The following SCYL2 variants were observed in gnomAD, a reference collection of about 807,000 sequenced individuals.
SCYL2 encodes the protein SCY1 like pseudokinase 2, also known as SCY1-like protein 2.
In SCYL2, 36 loss-of-function variants were observed where a neutral mutation model predicts 100.4. The ratio of observed to expected loss-of-function variants is 0.36; its 90% CI spans 0.27 to 0.47. The LOEUF (loss-of-function observed/expected upper bound fraction) is 0.47. Among genes scored for constraint, SCYL2 ranks in the 20% least tolerant of loss-of-function variants. The pLI is 1.00. For synonymous variants in SCYL2, 330 were observed against 359.2 expected (o/e 0.92, Z 0.92); for missense variants, 902 against 1,083.9 (o/e 0.83, Z 2.36).
In SCYL2 at chr12:100,339,068, A is replaced by T; in HGVS notation, c.2686A>T (p.Met896Leu). 1 of 1,614,120 alleles carries T rather than the reference A, an allele frequency of 6.2e-7. No individual in the cohort carries two copies. Among genetic ancestry groups the T allele is most frequent in the Non-Finnish European group, 8.5e-7 (1 of 1,179,964 alleles). Reference sequence around the variant, plus strand: ...CGTGATAGGACAATCTGCTTTTGGTATGCAGGGTAATCCTTTCTTTAACCC... The same window carrying T: ...CGTGATAGGACAATCTGCTTTTGGTTTGCAGGGTAATCCTTTCTTTAACCC... Reference protein sequence around the residue: ...MNVIGQSAFGMQGNPFFNPQN... With the variant: ...MNVIGQSAFGLQGNPFFNPQN... The change falls in exon 18 of 18, where the codon ATG becomes TTG. Residue 896 changes from methionine to leucine, a missense_variant. Met to Leu is a conservative substitution (Grantham distance 15). Transcript: ENST00000360820.
intron 4 of SCYL2, among the ~76,000 whole-genome samples, chr12:100,302,441 G>A (rs2096328969): frequency 6.6e-6 from 1 of 152,190 alleles, no homozygotes; most frequent in South Asian, 2.1e-4. Context: ...GCTCTTGTAA[G>A]GCAGGCCTGG....
Position 100,267,320 on chromosome 12 carries a change from A to G in SCYL2, c.-501A>G, listed in dbSNP as rs2096278806. 2.2e-6 allele frequency: 1 copy of G among 447,988 alleles called. No individual in the cohort carries two copies. Among genetic ancestry groups the G allele is most frequent in the Non-Finnish European group, 4.0e-6 (1 of 250,710 alleles). 27.8% of individuals were successfully genotyped at this position (447,988 alleles called of 1,614,324 possible). Reference sequence around the variant, plus strand: ...CAGTGGCCAGGCACGAAGGCAGAGCAGGAACAGCCAGGAGGCGTTTATTAG... The same window carrying G: ...CAGTGGCCAGGCACGAAGGCAGAGCGGGAACAGCCAGGAGGCGTTTATTAG... On this transcript the variant is annotated 5_prime_UTR_variant, in exon 1 of 18. Coordinates refer to ENST00000360820, the MANE Select transcript of SCYL2 (RefSeq NM_017988.6).
At chr12:100,297,704 T>C (rs753524238) in intron 3 of SCYL2, among the ~76,000 whole-genome samples, 3 of 152,228 alleles carry the variant, frequency 2.0e-5, no homozygotes, top group Non-Finnish European at 2.9e-5. Flanking sequence ...TGAATTAGTT[T>C]ATTGGTTTTC....
At chr12:100,316,553 T>C (rs1324309765) in intron 9 of SCYL2, among the ~76,000 whole-genome samples, 1 of 152,236 alleles carries the variant, frequency 6.6e-6, no homozygotes, top group Non-Finnish European at 1.5e-5. Flanking sequence ...TTCTTTGTAG[T>C]CCTTCCCTTG....
chr12:100,296,278 A>C (rs902925276), intron 3 of SCYL2, among the ~76,000 whole-genome samples: 2 of 152,240 alleles, frequency 1.3e-5, no homozygotes, highest in African/African-American at 4.8e-5. Context: ...TGAATTAATA[A>C]TACTGACATG....
chr12:100,334,322 T>TA, intron 14 of SCYL2, 56 bp downstream of exon 14: 1 of 985,406 alleles, frequency 1.0e-6, no homozygotes, highest in Non-Finnish European at 1.6e-6. Context: ...ATAGTTGTCT[T>TA]ATGATTGATT....
At chr12:100,314,721 G>T (rs1449160384) in intron 8 of SCYL2, 107 bp downstream of exon 8, 1 of 1,124,948 alleles carries the variant, frequency 8.9e-7, no homozygotes, top group Non-Finnish European at 1.3e-6. Flanking sequence ...TTTGCCTGAG[G>T]TACATAAATG....
chr12:100,320,703 A>AT (rs2096354804), intron 10 of SCYL2, among the ~76,000 whole-genome samples: 1 of 152,104 alleles, frequency 6.6e-6, no homozygotes, highest in Non-Finnish European at 1.5e-5. Context: ...TATGACTTTG[A>AT]TTGGACAGCA....
At chr12:100,273,097 AG>A (rs1215376585) in intron 1 of SCYL2, among the ~76,000 whole-genome samples, 1 of 152,076 alleles carries the variant, frequency 6.6e-6, no homozygotes, top group Non-Finnish European at 1.5e-5. Context: ...TCTGCTTGAT[AG>A]AGTGATTGAT....
chr12:100,335,075 T>A (rs1952258464), intron 14 of SCYL2, among the ~76,000 whole-genome samples: 4 of 152,026 alleles, frequency 2.6e-5, no homozygotes, highest in Non-Finnish European at 5.9e-5. Context: ...TATGTGGTGT[T>A]TGATGGATTG....
rs1301530341 is a variant in SCYL2, at chr12:100,267,350, G to C, written c.-471G>C. ...CAGCCAGGAGGCGTTTATTAGGGGG[G>C]CGGGGGGAAAGAGCCCCAGCACCGC... On this transcript the variant is annotated 5_prime_UTR_variant, in exon 1 of 18. Transcript: ENST00000360820. The C allele has an allele frequency of 2.9e-6, 1 of 343,308 alleles. No individual in the cohort carries two copies. Among genetic ancestry groups the C allele is most frequent in the Non-Finnish European group, 5.3e-6 (1 of 187,786 alleles). 21.3% of individuals were successfully genotyped at this position (343,308 alleles called of 1,614,324 possible).
At position 100,340,471 on chromosome 12, in the gene SCYL2, A is replaced by G. The variant is rs1952339220; in HGVS notation, c.*1299A>G. 1 of 152,072 alleles carries G rather than the reference A, an allele frequency of 6.6e-6. No homozygotes were observed. The highest frequency in any genetic ancestry group is 1.5e-5 in the Non-Finnish European group (1 of 67,936). 9.4% of individuals were successfully genotyped at this position (152,072 alleles called of 1,614,324 possible). ...AAAACCATCTTTCAACGAACTATATATGTATTATAGTTGCTGCCATAGAGT... is the reference window on the plus strand; with the variant it reads ...AAAACCATCTTTCAACGAACTATATGTGTATTATAGTTGCTGCCATAGAGT... On this transcript the variant is annotated 3_prime_UTR_variant, in exon 18 of 18. Transcript: ENST00000360820.
rs1453273325 is a variant in SCYL2 at position 100,303,879 on chromosome 12, GCT to G, written c.480+5707_480+5708del. ...CCCACAGCTGCCTCTTCCCTCAAAT[GCT>G]CTGTCTCAGGGAAATGGGAGTTTTA... On this transcript the variant is annotated intron_variant, in intron 4 of 17. Transcript: ENST00000360820. Among the ~76,000 whole-genome samples the G allele has an allele frequency of 5.3e-5, 8 of 152,294 alleles. No individual in the cohort carries two copies. The East Asian group carries it at 1.4e-3, about 26-fold the overall frequency.
intron 10 of SCYL2, 77 bp downstream of exon 10, chr12:100,318,002 G>A: frequency 3.7e-6 from 5 of 1,360,014 alleles, no homozygotes; most frequent in South Asian, 3.6e-5. Context: ...AGTACATTTT[G>A]GATTTAAGTC....
intron 4 of SCYL2, among the ~76,000 whole-genome samples, chr12:100,309,094 G>A (rs1440628427): frequency 1.4e-5 from 2 of 146,150 alleles, no homozygotes; most frequent in African/African-American, 5.1e-5. Context: ...CCTGATTTTT[G>A]GGTATTTTGA....
intron 4 of SCYL2, among the ~76,000 whole-genome samples, chr12:100,307,947 C>G (rs987937527): frequency 6.6e-5 from 10 of 152,236 alleles, no homozygotes; most frequent in African/African-American, 2.4e-4. Flanking sequence ...GATACCATCT[C>G]ATGCCAGTTA....
At chr12:100,333,778 T>G (rs1371155692) in intron 13 of SCYL2, 2 of 154,412 alleles carry the variant, frequency 1.3e-5, no homozygotes, top group African/African-American at 4.8e-5. Context: ...GCCTATTAAA[T>G]GGATTATTTC....
chr12:100,310,924 T>G (rs1344986420), intron 4 of SCYL2, 120 bp from the exon 5 acceptor site: 1 of 959,038 alleles, frequency 1.0e-6, no homozygotes, highest in Non-Finnish European at 1.5e-6. Flanking sequence ...AAATTTGATT[T>G]TTAGCTGACA....
At chr12:100,336,912 G>A (rs1952284950) in intron 16 of SCYL2, among the ~76,000 whole-genome samples, 1 of 152,124 alleles carries the variant, frequency 6.6e-6, no homozygotes. Flanking sequence ...AATTGTAAGA[G>A]AACATTGTGA....
Sources: gnomAD v4.1 joint callset for allele counts (sites outside exome capture counted in the v4.1 genomes callset) on GRCh38, gnomAD v4.1.1 for gene constraint, MANE v1.5 for transcripts, NCBI Gene and HGNC (gene_info 2026-07-23, HGNC 2026-07-21) for gene names.